Variants in COPG2 observed in about 807,000 individuals in gnomAD.
COPG2 encodes coatomer subunit gamma-2.
Under a neutral mutation model 46.3 loss-of-function variants are expected in COPG2, and 37 were observed. The observed-to-expected ratio is 0.80, with a 90% CI of 0.61 to 1.05. The LOEUF is 1.05. Among genes scored for constraint, COPG2 ranks in the 50% least tolerant of loss-of-function variants. COPG2 has a pLI of 0.00. For synonymous variants in COPG2, 159 were observed against 129.7 expected (o/e 1.23, Z -1.53); for missense variants, 427 against 387.8 (o/e 1.10, Z -0.85).
intron 20 of COPG2, among the ~76,000 whole-genome samples, chr7:130,539,310 A>G (rs949187174): frequency 3.9e-5 from 6 of 152,066 alleles, no homozygotes; most frequent in African/African-American, 1.4e-4. Context: ...CTGGCTGTAG[A>G]GTTTTGTAGG....
At chr7:130,614,540 G>A (rs1016580042) in intron 6 of COPG2, among the ~76,000 whole-genome samples, 39 of 152,294 alleles carry the variant, frequency 2.6e-4, no homozygotes, top group African/African-American at 9.1e-4. Flanking sequence ...TTCCCAGAAA[G>A]AGACAGCCTA....
At chr7:130,589,346 A>G (rs1794352625) in intron 9 of COPG2, among the ~76,000 whole-genome samples, 1 of 151,876 alleles carries the variant, frequency 6.6e-6, no homozygotes, top group South Asian at 2.1e-4. Context: ...AGCAATTTAC[A>G]GGTGTGATCA....
chr7:130,538,411 T>C (rs1397938651), intron 20 of COPG2, among the ~76,000 whole-genome samples: 1 of 152,030 alleles, frequency 6.6e-6, no homozygotes, highest in Non-Finnish European at 1.5e-5. Flanking sequence ...CAGGGTCCGA[T>C]GCAGAAAAGG....
At chr7:130,658,017 T>C (rs1554460139) in intron 4 of COPG2, among the ~76,000 whole-genome samples, 1 of 152,168 alleles carries the variant, frequency 6.6e-6, no homozygotes, top group African/African-American at 2.4e-5. Flanking sequence ...CATACCTACA[T>C]ATGGCCCAGC....
intron 9 of COPG2, chr7:130,604,593 CTA>C (rs1301045043): frequency 9.9e-6 from 3 of 302,880 alleles, no homozygotes; most frequent in Admixed American, 4.3e-5. Flanking sequence ...TTTGCATTTC[CTA>C]TATATATAGC....
chr7:130,574,654 C>CA (rs1409388064), intron 9 of COPG2, among the ~76,000 whole-genome samples: 12 of 151,640 alleles, frequency 7.9e-5, no homozygotes, highest in Non-Finnish European at 1.6e-4. Context: ...CCTCCCCCCC[C>CA]AAAAAAATTA....
chr7:130,592,959 T>A (rs139756802), intron 9 of COPG2, among the ~76,000 whole-genome samples: 157 of 152,372 alleles, frequency 1.0e-3, no homozygotes, highest in African/African-American at 3.6e-3. Context: ...TATCTCATAG[T>A]ATGAAAATGT....
At chr7:130,646,996 T>C (rs1272775186) in intron 5 of COPG2, among the ~76,000 whole-genome samples, 6 of 40,892 alleles carry the variant, frequency 1.5e-4, no homozygotes, top group East Asian at 2.0e-3. Context: ...TATATATATA[T>C]GTGTATATAT....
At chr7:130,660,713 T>C (rs1795960709) in intron 4 of COPG2, among the ~76,000 whole-genome samples, 1 of 152,168 alleles carries the variant, frequency 6.6e-6, no homozygotes, top group African/African-American at 2.4e-5. Flanking sequence ...CGACCTCCTC[T>C]TCTCCAATGA....
At chr7:130,538,254 G>A (rs1321216303) in intron 20 of COPG2, among the ~76,000 whole-genome samples, 1 of 152,132 alleles carries the variant, frequency 6.6e-6, no homozygotes, top group Non-Finnish European at 1.5e-5. Context: ...TGAACCTTGT[G>A]TGGAAAAAGT....
In COPG2 at chr7:130,506,491, A is replaced by G. The variant is rs1208285918; in HGVS notation, c.*185T>C. ...TGACCAAGTAGAATAAAAAGAAAAA[A>G]AAAAAAAAACAACCCATGCGCAAAG... On this transcript the variant is annotated 3_prime_UTR_variant, in exon 24 of 24. Coordinates refer to ENST00000425248, the MANE Select transcript of COPG2 (RefSeq NM_012133.6). 6.9e-6 allele frequency: 3 copies of G among 435,930 alleles called. No individual in the cohort carries two copies. The highest frequency in any genetic ancestry group is 1.2e-5 in the Non-Finnish European group (3 of 244,704). 27.0% of individuals were successfully genotyped at this position (435,930 alleles called of 1,614,324 possible).
chr7:130,529,793 G>A (rs1365725128), intron 20 of COPG2, among the ~76,000 whole-genome samples: 3 of 152,214 alleles, frequency 2.0e-5, no homozygotes, highest in Non-Finnish European at 4.4e-5. Context: ...GTAGGTAGAA[G>A]TGTGTTTGCA....
chr7:130,556,844 A>G (rs897276487), intron 12 of COPG2, among the ~76,000 whole-genome samples: 2 of 152,230 alleles, frequency 1.3e-5, no homozygotes, highest in African/African-American at 4.8e-5. Flanking sequence ...ATTCTTGAAA[A>G]AAAAAGGAAC....
intron 8 of COPG2, 62 bp downstream of exon 8, chr7:130,612,090 C>G: frequency 1.7e-6 from 2 of 1,196,766 alleles, no homozygotes; most frequent in Admixed American, 1.8e-5. Context: ...TACACTGCCC[C>G]TACAATACAG....
Position 130,507,764 on chromosome 7 carries a change from A to G in COPG2, c.2307T>C (p.Phe769=), listed in dbSNP as rs1390241695. 2.6e-6 allele frequency: 2 copies of G among 780,524 alleles called. No individual in the cohort carries two copies. The highest frequency in any genetic ancestry group is 1.7e-5 in the Admixed American group (1 of 58,986). The allele number at this position is 780,524 out of a possible 1,614,324, so 48.3% of individuals were successfully genotyped here. Residue 769 remains phenylalanine, a synonymous_variant, in exon 22 of 24, where the codon TTT becomes TTC. Transcript: ENST00000425248. ...CTCCCACCTCTTCCCAAGCAGCAGC[A>G]AAGTTAGGCTTCAGTACTTTCTGAA... ...DHIQKVLKPN[F]AAAWEEVGDT...
chr7:130,610,576 G>A (rs1459377879), intron 9 of COPG2: 5 of 523,290 alleles, frequency 9.6e-6, no homozygotes, highest in Non-Finnish European at 1.9e-5. Context: ...TCAGACTTGT[G>A]GAATGATCTT....
At chr7:130,568,259 G>A (rs947185307) in intron 9 of COPG2, among the ~76,000 whole-genome samples, 1 of 151,964 alleles carries the variant, frequency 6.6e-6, no homozygotes, top group African/African-American at 2.4e-5. Context: ...TGGGCAACAG[G>A]AGCGAAACTC....
chr7:130,519,739 A>G (rs1799709809), intron 20 of COPG2, among the ~76,000 whole-genome samples: 1 of 152,238 alleles, frequency 6.6e-6, no homozygotes, highest in Admixed American at 6.5e-5. Flanking sequence ...AACAGAGGAT[A>G]GCAAGTCAAT....
intron 20 of COPG2, among the ~76,000 whole-genome samples, chr7:130,546,079 T>A (rs975058179): frequency 0.21 from 31,982 of 151,984 alleles, 3,515 homozygotes; most frequent in Middle Eastern, 0.26. Flanking sequence ...GGGTTCAGCA[T>A]TTCACTTCCC....
Sources: gnomAD v4.1 joint callset for allele counts (sites outside exome capture counted in the v4.1 genomes callset) on GRCh38, gnomAD v4.1.1 for gene constraint, MANE v1.5 for transcripts, NCBI Gene and HGNC (gene_info 2026-07-23, HGNC 2026-07-21) for gene names.